UNC50: variants seen among roughly 807,000 people sequenced by gnomAD.
The protein encoded by UNC50 is unc-50 inner nuclear membrane RNA binding protein, also known as protein unc-50 homolog.
UNC50 carries 24 observed loss-of-function variants against 31.5 expected under a neutral mutation model. The observed-to-expected ratio is 0.76, with a 90% CI of 0.55 to 1.07. The LOEUF (loss-of-function observed/expected upper bound fraction) is 1.07, where lower values mean the gene tolerates loss of function less well. UNC50 is among the 50% of genes least tolerant of loss of function. The pLI is 0.00. For synonymous variants in UNC50, 118 were observed against 114.7 expected (o/e 1.03, Z -0.18); for missense variants, 245 against 304.2 (o/e 0.81, Z 1.45).
chr2:98,615,669 C>T (rs979684666), intron 3 of UNC50, among the ~76,000 whole-genome samples: 3 of 152,190 alleles, frequency 2.0e-5, no homozygotes, highest in Non-Finnish European at 4.4e-5. Context: ...GGAGTCTGTT[C>T]TCAGATCCGC....
In UNC50 at chr2:98,609,878, G is replaced by A. The variant is rs199729772; in HGVS notation, c.119G>A (p.Arg40His). 1.2e-6 allele frequency: 2 copies of A among 1,614,046 alleles called. No homozygotes were observed. Residue 40 changes from arginine to histidine, a missense_variant, in exon 2 of 6, where the codon CGC becomes CAC. Coordinates refer to ENST00000357765, the MANE Select transcript of UNC50 (RefSeq NM_014044.7). ...TACAAATATCTGAGAAGGCTTTTCC[G>A]CTTTCGGCAAATGGACTTTGAATTT... ...KRYKYLRRLFRFRQMDFEFAA... is the reference protein window; with the variant it reads ...KRYKYLRRLFHFRQMDFEFAA...
chr2:98,614,386 G>C (rs1265932335), intron 3 of UNC50, among the ~76,000 whole-genome samples: 1 of 152,204 alleles, frequency 6.6e-6, no homozygotes. Flanking sequence ...TTTTGGCTTA[G>C]ATGACTGAGG....
At chr2:98,610,387 A>G (rs1700805940) in intron 2 of UNC50, among the ~76,000 whole-genome samples, 1 of 152,246 alleles carries the variant, frequency 6.6e-6, no homozygotes. Flanking sequence ...TTGTAAAGGT[A>G]TTGATGGGAA....
Position 98,608,649 on chromosome 2 carries a change from G to T in UNC50, c.-82G>T. 8 of 560,190 alleles carry T rather than the reference G, an allele frequency of 1.4e-5. No individual in the cohort carries two copies. Among genetic ancestry groups the T allele is most frequent in the Non-Finnish European group, 2.5e-5 (8 of 314,052 alleles). 34.7% of individuals were successfully genotyped at this position (560,190 alleles called of 1,614,324 possible). ...CCGTTGAGGGAAGGGAAGCCCGCCC[G>T]GTGGCGGCTGGGGTCGGCTGCTGGG... On this transcript the variant is annotated 5_prime_UTR_variant, in exon 1 of 6. Coordinates refer to ENST00000357765, the MANE Select transcript of UNC50 (RefSeq NM_014044.7).
chr2:98,615,994 C>T (rs1700913649), intron 3 of UNC50, among the ~76,000 whole-genome samples: 1 of 152,176 alleles, frequency 6.6e-6, no homozygotes, highest in Non-Finnish European at 1.5e-5. Context: ...TTTGTATTCT[C>T]CACATTTCTC....
At chr2:98,610,474 T>C (rs1391311581) in intron 2 of UNC50, among the ~76,000 whole-genome samples, 2 of 152,340 alleles carry the variant, frequency 1.3e-5, no homozygotes, top group Non-Finnish European at 2.9e-5. Context: ...GGGTAAGATA[T>C]TGAAGTTTAT....
rs773992183 is a variant in UNC50, at chr2:98,610,845, T to C, written c.351T>C (p.Val117=). Residue 117 remains valine (V), a synonymous_variant, in exon 3 of 6, where the codon GTT becomes GTC. Coordinates refer to ENST00000357765, the MANE Select transcript of UNC50 (RefSeq NM_014044.7). ...FFETIKLLLW[V]VLIDCVGVGL... ...AGACAATAAAGCTTCTCCTTTGGGT[T>C]GTACTCATAGATTGTGTAGGCGTTG... is the stretch of plus-strand genomic sequence containing the variant. 14 of 1,614,096 alleles carry C rather than the reference T, an allele frequency of 8.7e-6. No individual in the cohort carries two copies. The South Asian group carries it at 1.3e-4, about 15-fold the overall frequency.
At chr2:98,608,822 G>C in intron 1 of UNC50, 96 bp downstream of exon 1, 1 of 273,046 alleles carries the variant, frequency 3.7e-6, no homozygotes, top group South Asian at 3.5e-5. Context: ...GCTGCGGCCT[G>C]GCAGTGACCA....
intron 3 of UNC50, among the ~76,000 whole-genome samples, chr2:98,614,544 G>A (rs558767354): frequency 2.6e-5 from 4 of 152,166 alleles, no homozygotes; most frequent in East Asian, 1.9e-4. Context: ...TCTGACTGGC[G>A]TTAATATGGA....
chr2:98,609,613 ATTTGC>A lies in UNC50; in HGVS notation c.-4-139_-4-135del, dbSNP rs1331789672. On this transcript the variant is annotated intron_variant, in intron 1 of 5. Transcript: ENST00000357765. ...CAAGACCCGCCTCAGAACTAACTGCATTTGCTTTTGACTCCTGGCCTTTCTCTAGG... is the reference window on the plus strand; with the variant it reads ...CAAGACCCGCCTCAGAACTAACTGCATTTTGACTCCTGGCCTTTCTCTAGG... The A allele has an allele frequency of 6.0e-6, 8 of 1,329,378 alleles. No homozygotes were observed. The Admixed American group carries it at 8.0e-5, about 13-fold the overall frequency. The allele number at this position is 1,329,378 out of a possible 1,614,324, so 82.3% of individuals were successfully genotyped here.
At chr2:98,608,832 A>G (rs1346445437) in intron 1 of UNC50, 106 bp downstream of exon 1, 2 of 260,538 alleles carry the variant, frequency 7.7e-6, no homozygotes, top group African/African-American at 2.4e-5. Flanking sequence ...GGCAGTGACC[A>G]TGTCGGCGTC....
rs1559147164 is a variant in UNC50, at chr2:98,609,973, C to T, written c.214C>T (p.Gln72Ter). ...RVYRNFHYRK[Q>*]TKDQWARDDP... ...TTACAGAAATTTTCATTATCGAAAA[C>T]AGACGAAGGACCAGTGGGCCAGAGA... The change falls in exon 2 of 6, where the codon CAG becomes TAG. Residue 72 changes from glutamine (Q) to a stop codon, truncating the protein, a stop_gained. Transcript: ENST00000357765. LOFTEE classifies it high-confidence loss of function. The T allele has an allele frequency of 6.2e-7, 1 of 1,614,218 alleles. No homozygotes were observed. Among genetic ancestry groups the T allele is most frequent in the Non-Finnish European group, 8.5e-7 (1 of 1,180,032 alleles).
rs770680506 is a variant in UNC50 at position 98,610,813 on chromosome 2, TTCTTTGAGACAATAAAGCTTCTCC to T, written c.321_344del (p.Phe108_Leu115del). ...ATTTGGCTTTGTGCTGGACATGGGA[TTCTTTGAGACAATAAAGCTTCTCC>T]TTTGGGTTGTACTCATAGATTGTGT... On this transcript the variant is annotated inframe_deletion, in exon 3 of 6. Coordinates refer to ENST00000357765, the MANE Select transcript of UNC50 (RefSeq NM_014044.7). 1 of 1,614,216 alleles carries T rather than the reference TTCTTTGAGACAATAAAGCTTCTCC, an allele frequency of 6.2e-7. No individual in the cohort carries two copies. Among genetic ancestry groups the T allele is most frequent in the African/African-American group, 1.3e-5 (1 of 75,066 alleles).
intron 3 of UNC50, among the ~76,000 whole-genome samples, chr2:98,614,448 G>C (rs1700888089): frequency 6.6e-6 from 1 of 152,210 alleles, no homozygotes; most frequent in African/African-American, 2.4e-5. Context: ...AGTTCAGGGA[G>C]CTTCCTGAAG....
In UNC50 at chr2:98,613,803, C is replaced by T. The variant is rs148701663; in HGVS notation, c.402-2404C>T. 4.5e-3 allele frequency among the ~76,000 whole-genome samples: 686 copies of T among 152,278 alleles called. 8 individuals are homozygous for T. The highest frequency in any genetic ancestry group is 0.016 in the African/African-American group (664 of 41,538). ...AAGGGATTCAGTGTATTTTTGAGAA[C>T]CTATGTTGTGTGAGGAACTAGAAAG... is the stretch of plus-strand genomic sequence containing the variant. On this transcript the variant is annotated intron_variant, in intron 3 of 5. Coordinates refer to ENST00000357765, the MANE Select transcript of UNC50 (RefSeq NM_014044.7).
At position 98,618,326 on chromosome 2, in the gene UNC50, C is replaced by A. The variant is rs112897404; in HGVS notation, c.*22C>A. On this transcript the variant is annotated 3_prime_UTR_variant, in exon 6 of 6. Coordinates refer to ENST00000357765, the MANE Select transcript of UNC50 (RefSeq NM_014044.7). Reference sequence around the variant, plus strand: ...ATAAAAAGTGAGAAGAAGATTCAATCGTAACTGTGTCAACAGTATTGTGAA... The same window carrying A: ...ATAAAAAGTGAGAAGAAGATTCAATAGTAACTGTGTCAACAGTATTGTGAA... 6.8e-4 allele frequency: 1,074 copies of A among 1,585,848 alleles called. 9 individuals are homozygous for A. The African/African-American group carries it at 0.013, about 19-fold the overall frequency.
intron 5 of UNC50, among the ~76,000 whole-genome samples, 186 bp downstream of exon 5, chr2:98,616,719 G>T (rs1376290612): frequency 6.6e-6 from 1 of 152,184 alleles, no homozygotes; most frequent in Non-Finnish European, 1.5e-5. Flanking sequence ...TGAGGAAACT[G>T]AGGCAGAGAG....
intron 5 of UNC50, 127 bp from the exon 6 acceptor site, chr2:98,618,041 T>G (rs1462253312): frequency 4.9e-6 from 5 of 1,015,620 alleles, no homozygotes; most frequent in African/African-American, 3.3e-5. Flanking sequence ...TAGCATCATC[T>G]TACTGATTCA....
At chr2:98,617,608 G>A (rs1225646839) in intron 5 of UNC50, among the ~76,000 whole-genome samples, 2 of 152,232 alleles carry the variant, frequency 1.3e-5, no homozygotes, top group East Asian at 1.9e-4. Flanking sequence ...GTAGGGTCCC[G>A]CTAACTAAGC....
Sources: allele counts gnomAD v4.1 joint callset (sites outside exome capture counted in the v4.1 genomes callset), GRCh38; gene constraint gnomAD v4.1.1; transcripts MANE v1.5; gene names NCBI Gene and HGNC (gene_info 2026-07-23, HGNC 2026-07-21).